The following DENND1A variants were observed in gnomAD, a reference collection of about 807,000 sequenced individuals.
DENND1A encodes the protein DENN domain containing 1A.
DENND1A carries 51 observed loss-of-function variants against 113.7 expected under a neutral mutation model. That is an observed-to-expected ratio of 0.45 (90% CI 0.36 to 0.57). The LOEUF is 0.57. DENND1A is among the 20% of genes least tolerant of loss of function. The pLI, the probability that DENND1A is intolerant of heterozygous loss-of-function variation, is 0.00. For missense variants in DENND1A, 1,258 were observed against 1,395.9 expected, an observed-to-expected ratio of 0.90 and a Z score of 1.57; for synonymous variants, 565 against 570.8, an observed-to-expected ratio of 0.99 and a Z score of 0.14.
At chr9:123,542,807 G>A (rs1354335900) in intron 13 of DENND1A, among the ~76,000 whole-genome samples, 6 of 152,226 alleles carry the variant, frequency 3.9e-5, no homozygotes, top group Middle Eastern at 3.4e-3. Context: ...CTGGCCTCAC[G>A]AACACCACCT....
intron 13 of DENND1A, among the ~76,000 whole-genome samples, chr9:123,555,194 C>T (rs1285263836): frequency 6.6e-6 from 1 of 152,276 alleles, no homozygotes; most frequent in East Asian, 1.9e-4. Flanking sequence ...GGTGGAGCCA[C>T]CCGGGGCTCT....
intron 3 of DENND1A, among the ~76,000 whole-genome samples, chr9:123,780,599 T>C (rs535477320): frequency 1.3e-5 from 2 of 152,320 alleles, no homozygotes; most frequent in Non-Finnish European, 2.9e-5. Flanking sequence ...ATTCTTGACA[T>C]TGAAAATGAA....
chr9:123,457,297 C>A, intron 15 of DENND1A, 51 bp downstream of exon 15: 1 of 1,412,466 alleles, frequency 7.1e-7, no homozygotes, highest in Non-Finnish European at 1.0e-6. Context: ...TCAAATATGC[C>A]CTAAATGATA....
chr9:123,844,214 G>A (rs868367634), intron 2 of DENND1A, among the ~76,000 whole-genome samples: 4 of 152,056 alleles, frequency 2.6e-5, no homozygotes, highest in Non-Finnish European at 5.9e-5. Context: ...GGAGGTTCTA[G>A]CCAGGGTAAT....
At chr9:123,708,024 TA>T (rs1294608382) in intron 5 of DENND1A, among the ~76,000 whole-genome samples, 2 of 152,148 alleles carry the variant, frequency 1.3e-5, no homozygotes, top group African/African-American at 4.8e-5. Context: ...GCACCCATGA[TA>T]ACAGGGGAGA....
At chr9:123,439,287 C>A (rs947836135) in intron 19 of DENND1A, among the ~76,000 whole-genome samples, 2 of 152,164 alleles carry the variant, frequency 1.3e-5, no homozygotes, top group Non-Finnish European at 2.9e-5. Flanking sequence ...AGGGGATGAA[C>A]CTCCCCAAGT....
At chr9:123,698,571 T>C (rs545739963) in intron 5 of DENND1A, among the ~76,000 whole-genome samples, 4 of 152,348 alleles carry the variant, frequency 2.6e-5, no homozygotes, top group African/African-American at 9.6e-5. Flanking sequence ...TTATATAATT[T>C]CATTTAAAAA....
At chr9:123,540,750 G>A (rs1013309455) in intron 13 of DENND1A, among the ~76,000 whole-genome samples, 4 of 152,140 alleles carry the variant, frequency 2.6e-5, no homozygotes, top group Non-Finnish European at 4.4e-5. Flanking sequence ...CGGCAAAAAT[G>A]TTTTCTGTAC....
At chr9:123,469,319 G>A (rs1288121517) in intron 13 of DENND1A, among the ~76,000 whole-genome samples, 1 of 152,252 alleles carries the variant, frequency 6.6e-6, no homozygotes, top group Non-Finnish European at 1.5e-5. Flanking sequence ...GGAAATGTGG[G>A]TGTCAGCCCA....
At chr9:123,578,195 C>T (rs1224162625) in intron 12 of DENND1A, among the ~76,000 whole-genome samples, 2 of 152,182 alleles carry the variant, frequency 1.3e-5, no homozygotes, top group African/African-American at 4.8e-5. Context: ...CTTTCAGCTC[C>T]CCAAGACTGT....
intron 11 of DENND1A, among the ~76,000 whole-genome samples, chr9:123,589,228 G>A (rs567597121): frequency 6.6e-6 from 1 of 152,162 alleles, no homozygotes. Context: ...GTTATTTCCA[G>A]TTTTGAAGAA....
intron 2 of DENND1A, among the ~76,000 whole-genome samples, chr9:123,874,371 A>G (rs1847124681): frequency 6.6e-6 from 1 of 152,174 alleles, no homozygotes; most frequent in Non-Finnish European, 1.5e-5. Flanking sequence ...TATCTATAGT[A>G]TATAAACAAT....
intron 2 of DENND1A, among the ~76,000 whole-genome samples, chr9:123,869,245 G>A (rs1846184763): frequency 6.6e-6 from 1 of 152,184 alleles, no homozygotes; most frequent in Admixed American, 6.5e-5. Context: ...AGGGCCTAAT[G>A]TATGCCAGGC....
At chr9:123,734,973 T>A (rs2068455070) in intron 5 of DENND1A, among the ~76,000 whole-genome samples, 1 of 152,178 alleles carries the variant, frequency 6.6e-6, no homozygotes, top group African/African-American at 2.4e-5. Context: ...CTCCAAGGAC[T>A]TATGATTGCT....
intron 3 of DENND1A, among the ~76,000 whole-genome samples, chr9:123,790,516 C>T (rs540781977): frequency 3.3e-5 from 5 of 152,196 alleles, no homozygotes; most frequent in African/African-American, 7.2e-5. Flanking sequence ...AATTTCAAAA[C>T]GATGTCAATG....
chr9:123,879,888 T>C (rs933278650), intron 1 of DENND1A, among the ~76,000 whole-genome samples: 3 of 152,258 alleles, frequency 2.0e-5, no homozygotes, highest in Non-Finnish European at 2.9e-5. Context: ...CATAGCTATA[T>C]AACCTTGATA....
intron 2 of DENND1A, among the ~76,000 whole-genome samples, chr9:123,795,303 T>G (rs956418464): frequency 6.6e-6 from 1 of 152,260 alleles, no homozygotes; most frequent in Admixed American, 6.5e-5. Flanking sequence ...AATAATTTAT[T>G]TGAATTTTCT....
chr9:123,688,653 T>C (rs2064977868), intron 5 of DENND1A, among the ~76,000 whole-genome samples: 1 of 152,046 alleles, frequency 6.6e-6, no homozygotes, highest in African/African-American at 2.4e-5. Context: ...ATAGGCAGGT[T>C]TCTCAAATGA....
intron 9 of DENND1A, among the ~76,000 whole-genome samples, chr9:123,634,832 A>G (rs188484387): frequency 1.3e-5 from 2 of 152,352 alleles, no homozygotes; most frequent in East Asian, 3.9e-4. Context: ...ACTCCAGACA[A>G]AACTAGACAA....
Sources: gnomAD v4.1 joint callset for allele counts (sites outside exome capture counted in the v4.1 genomes callset) on GRCh38, gnomAD v4.1.1 for gene constraint, MANE v1.5 for transcripts, NCBI Gene and HGNC (gene_info 2026-07-23, HGNC 2026-07-21) for gene names.